Variants in SRPX2 observed in about 807,000 individuals in gnomAD.
The protein encoded by SRPX2 is sushi repeat-containing protein SRPX2.
Under a neutral mutation model 45.3 loss-of-function variants are expected in SRPX2, and 26 were observed. The observed-to-expected ratio is 0.57, with a 90% CI of 0.42 to 0.80. The LOEUF (loss-of-function observed/expected upper bound fraction) is 0.80, where lower values mean the gene tolerates loss of function less well. Ranked by LOEUF, SRPX2 falls within the 30% of genes least tolerant of loss-of-function variation. SRPX2 has a pLI of 0.00. For synonymous variants in SRPX2, 125 were observed against 143.7 expected (o/e 0.87, Z 0.93); for missense variants, 355 against 399.8 (o/e 0.89, Z 0.95).
At chrX:100,663,239 C>G (rs897552871) in intron 4 of SRPX2, among the ~76,000 whole-genome samples, 2 of 111,287 alleles carry the variant, frequency 1.8e-5, no homozygotes, top group African/African-American at 6.5e-5. Flanking sequence ...TGTTTCAGGA[C>G]TTAGACCCCA....
At chrX:100,662,819 A>C (rs745482958) in intron 4 of SRPX2, among the ~76,000 whole-genome samples, 1 of 112,343 alleles carries the variant, frequency 8.9e-6, no homozygotes, top group Non-Finnish European at 1.9e-5. Flanking sequence ...CAGAAGAAAA[A>C]TCCCTAAGTC....
intron 3 of SRPX2, among the ~76,000 whole-genome samples, chrX:100,661,639 A>G (rs1326981348): frequency 3.6e-5 from 4 of 111,683 alleles, no homozygotes; most frequent in Admixed American, 1.9e-4. Flanking sequence ...GCATGATGGC[A>G]GGCGCCTGTA....
At chrX:100,662,127 A>G (rs2083190162) in intron 3 of SRPX2, 49 bp from the exon 4 acceptor site, 11 of 1,171,083 alleles carry the variant, frequency 9.4e-6, no homozygotes, top group Non-Finnish European at 1.0e-5. Context: ...CCAACACCAC[A>G]CTGTCTTGAT....
At chrX:100,653,813 C>T (rs1352953126) in intron 3 of SRPX2, among the ~76,000 whole-genome samples, 1 of 112,481 alleles carries the variant, frequency 8.9e-6, no homozygotes, top group Non-Finnish European at 1.9e-5. Flanking sequence ...CTTTTTATTA[C>T]CCTCAAGAAA....
chrX:100,670,208 C>T (rs775556170), intron 10 of SRPX2, among the ~76,000 whole-genome samples: 1 of 111,666 alleles, frequency 9.0e-6, no homozygotes, highest in South Asian at 3.9e-4. Flanking sequence ...AATGCCTTCA[C>T]ATATATTCAG....
intron 3 of SRPX2, among the ~76,000 whole-genome samples, chrX:100,657,004 T>C (rs1342112930): frequency 9.1e-6 from 1 of 110,233 alleles, no homozygotes; most frequent in Non-Finnish European, 1.9e-5. Flanking sequence ...CTCGGCTCAC[T>C]GCAACCTCTG....
Position 100,652,679 on chromosome X carries a change from A to G in SRPX2, c.163+1814A>G, listed in dbSNP as rs781449736. Among the ~76,000 whole-genome samples, 8 of 112,121 alleles carry G rather than the reference A, an allele frequency of 7.1e-5. No homozygotes were observed. In the South Asian group the frequency reaches 3.0e-3, roughly 42 times the overall value. Reference sequence around the variant, plus strand: ...GTGTCAAATATTGCAAAGAAATCAAATTGAGGGTAAAGGAAAGATGTTATC... The same window carrying G: ...GTGTCAAATATTGCAAAGAAATCAAGTTGAGGGTAAAGGAAAGATGTTATC... On this transcript the variant is annotated intron_variant, in intron 3 of 10. Transcript: ENST00000373004.
chrX:100,655,270 C>T (rs2147643145), intron 3 of SRPX2, among the ~76,000 whole-genome samples: 1 of 111,241 alleles, frequency 9.0e-6, no homozygotes, highest in Non-Finnish European at 1.9e-5. Context: ...ACCAAACAAG[C>T]AATGGAGGGA....
At chrX:100,669,134 G>A (rs1218407143) in intron 9 of SRPX2, 114 bp from the exon 10 acceptor site, 1 of 1,017,471 alleles carries the variant, frequency 9.8e-7, no homozygotes, top group Non-Finnish European at 1.4e-6. Context: ...GATCATTGGG[G>A]GAGAAGGAGC....
At chrX:100,659,314 C>G (rs753667588) in intron 3 of SRPX2, among the ~76,000 whole-genome samples, 11 of 111,916 alleles carry the variant, frequency 9.8e-5, no homozygotes, top group Non-Finnish European at 2.1e-4. Context: ...GTCTTTATGC[C>G]AGGATTTTTT....
rs1410216526 is a variant in SRPX2 at position 100,665,671 on chromosome X, A to G, written c.781+14A>G. On this transcript the variant is annotated intron_variant, in intron 7 of 10. Coordinates refer to ENST00000373004, the MANE Select transcript of SRPX2 (RefSeq NM_014467.3). ...TGAAAGTACAAGGTCAGAAAGAATTATTTAGTTTCCATATTGTTCATTAAT... is the reference window on the plus strand; with the variant it reads ...TGAAAGTACAAGGTCAGAAAGAATTGTTTAGTTTCCATATTGTTCATTAAT... The G allele has an allele frequency of 8.3e-7, 1 of 1,210,082 alleles. No homozygotes were observed. The highest frequency in any genetic ancestry group is 1.7e-5 in the African/African-American group (1 of 57,161).
At chrX:100,663,211 C>T (rs1053854067) in intron 4 of SRPX2, among the ~76,000 whole-genome samples, 1 of 110,925 alleles carries the variant, frequency 9.0e-6, no homozygotes, top group Non-Finnish European at 1.9e-5. Flanking sequence ...ACACCCCTCT[C>T]GGTGACTGGA....
At chrX:100,657,074 C>T (rs2083171618) in intron 3 of SRPX2, among the ~76,000 whole-genome samples, 1 of 109,616 alleles carries the variant, frequency 9.1e-6, no homozygotes, top group Admixed American at 9.8e-5. Flanking sequence ...ATTACAGGCA[C>T]CCGCCACCAC....
At chrX:100,663,088 G>A (rs1156997403) in intron 4 of SRPX2, among the ~76,000 whole-genome samples, 1 of 111,793 alleles carries the variant, frequency 8.9e-6, no homozygotes, top group East Asian at 2.8e-4. Context: ...GTGCACATCA[G>A]TGTGGTGTAA....
intron 3 of SRPX2, among the ~76,000 whole-genome samples, chrX:100,654,987 C>A (rs1211895890): frequency 9.0e-6 from 1 of 111,439 alleles, no homozygotes; most frequent in Non-Finnish European, 1.9e-5. Context: ...TAATAGAAGA[C>A]AACAGAGAAG....
chrX:100,653,808 T>C (rs1413613249), intron 3 of SRPX2, among the ~76,000 whole-genome samples: 1 of 112,855 alleles, frequency 8.9e-6, no homozygotes, highest in Non-Finnish European at 1.9e-5. Context: ...GTTAACTTTT[T>C]ATTACCCTCA....
At chrX:100,664,546 A>G (rs1602723764) in intron 4 of SRPX2, among the ~76,000 whole-genome samples, 1 of 111,872 alleles carries the variant, frequency 8.9e-6, no homozygotes, top group African/African-American at 3.3e-5. Flanking sequence ...ATGCTTGGAC[A>G]AGTAATTTAC....
chrX:100,669,808 T>C (rs1316650862), intron 10 of SRPX2, among the ~76,000 whole-genome samples: 4 of 94,802 alleles, frequency 4.2e-5, no homozygotes, highest in Non-Finnish European at 8.4e-5. Context: ...GTTTTGCTCT[T>C]GTCGCCCAGG....
chrX:100,650,716 G>A (rs1602717071), intron 2 of SRPX2, 69 bp from the exon 3 acceptor site: 7 of 1,029,545 alleles, frequency 6.8e-6, no homozygotes, highest in Non-Finnish European at 8.2e-6. Flanking sequence ...TTGGATGAGA[G>A]GGGGAAGGTT....
Sources: gnomAD v4.1 joint callset for allele counts (sites outside exome capture counted in the v4.1 genomes callset) on GRCh38, gnomAD v4.1.1 for gene constraint, MANE v1.5 for transcripts, NCBI Gene and HGNC (gene_info 2026-07-23, HGNC 2026-07-21) for gene names.